The following MPHOSPH9 variants were observed in gnomAD, a reference collection of about 807,000 sequenced individuals.
The protein encoded by MPHOSPH9 is M-phase phosphoprotein 9.
In MPHOSPH9, 88 loss-of-function variants were observed where a neutral mutation model predicts 145.5. That is an observed-to-expected ratio of 0.60 (90% CI 0.51 to 0.72). The LOEUF (loss-of-function observed/expected upper bound fraction) is 0.72. Among genes scored for constraint, MPHOSPH9 ranks in the 30% least tolerant of loss-of-function variants. MPHOSPH9 has a pLI of 0.00. For missense variants in MPHOSPH9, 1,238 were observed against 1,386.6 expected, an observed-to-expected ratio of 0.89 and a Z score of 1.70; for synonymous variants, 435 against 486.2, an observed-to-expected ratio of 0.89 and a Z score of 1.39.
chr12:123,215,878 G>A (rs995792136), intron 6 of MPHOSPH9, among the ~76,000 whole-genome samples: 2 of 152,150 alleles, frequency 1.3e-5, no homozygotes, highest in Admixed American at 1.3e-4. Context: ...AGCCTTATAA[G>A]GCACCACTTA....
At chr12:123,214,978 T>C in intron 6 of MPHOSPH9, 144 bp from the exon 7 acceptor site, 3 of 652,354 alleles carry the variant, frequency 4.6e-6, no homozygotes, top group Non-Finnish European at 8.0e-6. Context: ...GCGTGATAGC[T>C]CACGCCTATG....
rs766733511 is a variant in MPHOSPH9 at position 123,194,460 on chromosome 12, C to T, written c.2167G>A (p.Ala723Thr). Residue 723 changes from alanine (A) to threonine (T), a missense_variant, in exon 13 of 24, where the codon GCA becomes ACA. By Grantham distance (58) the Ala-to-Thr change is moderately conservative. Transcript: ENST00000606320. Reference sequence around the variant, plus strand: ...GAGAGTTTGTAAGCATTCTCAAATGCTTCTTCTAAATCTTGCAGTCTAGAT... The same window carrying T: ...GAGAGTTTGTAAGCATTCTCAAATGTTTCTTCTAAATCTTGCAGTCTAGAT... Reference protein sequence around the residue: ...LKSRLQDLEEAFENAYKLSDD... With the variant: ...LKSRLQDLEETFENAYKLSDD... 16 of 1,611,026 alleles carry T rather than the reference C, an allele frequency of 9.9e-6. No individual in the cohort carries two copies. The highest frequency in any genetic ancestry group is 1.1e-5 in the South Asian group (1 of 90,342).
chr12:123,222,654 A>C (rs1356517826), intron 4 of MPHOSPH9, among the ~76,000 whole-genome samples: 2 of 149,150 alleles, frequency 1.3e-5, no homozygotes, highest in Admixed American at 1.3e-4. Context: ...ACTCCATCTC[A>C]AAAAAAAATA....
intron 11 of MPHOSPH9, among the ~76,000 whole-genome samples, chr12:123,201,731 T>C (rs1270632085): frequency 1.3e-5 from 2 of 152,124 alleles, no homozygotes; most frequent in East Asian, 1.9e-4. Flanking sequence ...CTAATACTAG[T>C]AGTGAAAGCA....
intron 1 of MPHOSPH9, among the ~76,000 whole-genome samples, chr12:123,238,345 T>G (rs1028571293): frequency 6.6e-6 from 1 of 152,220 alleles, no homozygotes; most frequent in African/African-American, 2.4e-5. Context: ...CAATGTTGTT[T>G]GGCCCTTAAC....
intron 23 of MPHOSPH9, among the ~76,000 whole-genome samples, 163 bp from the exon 24 acceptor site, chr12:123,157,071 A>T (rs2043898183): frequency 6.6e-6 from 1 of 152,236 alleles, no homozygotes; most frequent in Non-Finnish European, 1.5e-5. Context: ...TAAACTGGAC[A>T]ATATGAATTA....
intron 3 of MPHOSPH9, among the ~76,000 whole-genome samples, chr12:123,225,905 G>C (rs143023790): frequency 6.6e-6 from 1 of 152,232 alleles, no homozygotes; most frequent in African/African-American, 2.4e-5. Context: ...GCATGGTGGC[G>C]CTCGCCTGTG....
At chr12:123,158,604 G>T (rs1201580533) in intron 23 of MPHOSPH9, among the ~76,000 whole-genome samples, 1 of 151,966 alleles carries the variant, frequency 6.6e-6, no homozygotes, top group Non-Finnish European at 1.5e-5. Context: ...AATTAAAAGA[G>T]AAACCTAAGA....
At chr12:123,205,628 A>G (rs960544807) in intron 8 of MPHOSPH9, among the ~76,000 whole-genome samples, 1 of 152,124 alleles carries the variant, frequency 6.6e-6, no homozygotes, top group Non-Finnish European at 1.5e-5. Flanking sequence ...AAGCCTTTTC[A>G]AGACCTGAAG....
At position 123,159,395 on chromosome 12, in the gene MPHOSPH9, C is replaced by T. The variant is rs554279646; in HGVS notation, c.3450+1386G>A. 2.0e-5 allele frequency among the ~76,000 whole-genome samples: 3 copies of T among 152,156 alleles called. No individual in the cohort carries two copies. Among genetic ancestry groups the T allele is most frequent in the African/African-American group, 7.2e-5 (3 of 41,546 alleles). Reference sequence around the variant, plus strand: ...GGCCAGGCTGGTCTTGAACTCCTGACCTCGTGATCCGCCCACCTCGGCCTC... The same window carrying T: ...GGCCAGGCTGGTCTTGAACTCCTGATCTCGTGATCCGCCCACCTCGGCCTC... On this transcript the variant is annotated intron_variant, in intron 23 of 23. Transcript: ENST00000606320. This position sits in a 1 kb window ranked among gnomAD's most constrained non-coding sequence, Gnocchi z 4.3.
intron 11 of MPHOSPH9, among the ~76,000 whole-genome samples, chr12:123,201,194 T>A (rs180959175): frequency 2.6e-4 from 40 of 151,968 alleles, no homozygotes; most frequent in Non-Finnish European, 4.7e-4. Context: ...CTACTTACAG[T>A]ATAAAGGCTA....
intron 6 of MPHOSPH9, among the ~76,000 whole-genome samples, chr12:123,215,612 A>G (rs1305679634): frequency 6.6e-6 from 1 of 152,148 alleles, no homozygotes; most frequent in Non-Finnish European, 1.5e-5. Flanking sequence ...TATACAAACA[A>G]TTGGTTAGTA....
At chr12:123,187,861 C>T (rs1376149361) in intron 13 of MPHOSPH9, among the ~76,000 whole-genome samples, 2 of 152,150 alleles carry the variant, frequency 1.3e-5, no homozygotes, top group Admixed American at 6.5e-5. Flanking sequence ...CGCCGTGGCT[C>T]GCACCTGTAA....
intron 13 of MPHOSPH9, among the ~76,000 whole-genome samples, chr12:123,191,544 C>T (rs1003744105): frequency 1.3e-5 from 2 of 152,146 alleles, no homozygotes; most frequent in Admixed American, 6.5e-5. Context: ...CTGCCCGCCT[C>T]GGCTGCCCAA....
rs1196591221 is a variant in MPHOSPH9, at chr12:123,194,382, T to C, written c.2241+4A>G. The stretch of plus-strand genomic sequence containing the variant: ...TCATTAAGTTACTATTATTCGCTAC[T>C]TACATCTTGAAACATTTTGTTCTCT... On this transcript the variant is annotated splice_donor_region_variant and intron_variant, in intron 13 of 23. Coordinates refer to ENST00000606320, the MANE Select transcript of MPHOSPH9 (RefSeq NM_022782.4). 1 of 1,567,376 alleles carries C rather than the reference T, an allele frequency of 6.4e-7. No homozygotes were observed. Among genetic ancestry groups the C allele is most frequent in the Admixed American group, 1.8e-5 (1 of 54,296 alleles).
At position 123,221,367 on chromosome 12, in the gene MPHOSPH9, C is replaced by T. The variant is rs1265220464; in HGVS notation, c.872+5G>A. Reference sequence around the variant, plus strand: ...CTCCCTTCAAATGATAGAAATTCTACTTACCTATTTGTTTTCCCACTGTAT... The same window carrying T: ...CTCCCTTCAAATGATAGAAATTCTATTTACCTATTTGTTTTCCCACTGTAT... On this transcript the variant is annotated splice_donor_5th_base_variant and intron_variant, in intron 5 of 23. Transcript: ENST00000606320. 1.3e-6 allele frequency: 2 copies of T among 1,558,214 alleles called. No homozygotes were observed. Among genetic ancestry groups the T allele is most frequent in the South Asian group, 1.2e-5 (1 of 82,250 alleles).
intron 3 of MPHOSPH9, among the ~76,000 whole-genome samples, chr12:123,225,117 T>G (rs1361014700): frequency 6.6e-6 from 1 of 152,160 alleles, no homozygotes; most frequent in African/African-American, 2.4e-5. Context: ...CAGGATAATA[T>G]AAATTGATGT....
At chr12:123,223,172 T>G in intron 3 of MPHOSPH9, 45 bp from the exon 4 acceptor site, 1 of 1,193,408 alleles carries the variant, frequency 8.4e-7, no homozygotes. Flanking sequence ...TTTTTTGACT[T>G]AACATTTCAC....
At chr12:123,193,117 AC>A (rs2045783747) in intron 13 of MPHOSPH9, among the ~76,000 whole-genome samples, 1 of 124,398 alleles carries the variant, frequency 8.0e-6, no homozygotes, top group Non-Finnish European at 1.7e-5. Context: ...ATACACACAC[AC>A]ACACACACAC....
Sources: gnomAD v4.1 joint callset for allele counts (sites outside exome capture counted in the v4.1 genomes callset) on GRCh38, gnomAD v4.1.1 for gene constraint, Gnocchi (gnomAD v3.1) non-coding constraint, MANE v1.5 for transcripts, NCBI Gene and HGNC (gene_info 2026-07-23, HGNC 2026-07-21) for gene names.